The following COPG2 variants were observed in gnomAD, a reference collection of about 807,000 sequenced individuals.
COPG2 encodes coatomer subunit gamma-2.
COPG2 carries 37 observed loss-of-function variants against 46.3 expected under a neutral mutation model. The observed-to-expected ratio is 0.80, with a 90% CI of 0.61 to 1.05. The LOEUF (loss-of-function observed/expected upper bound fraction) is 1.05, where lower values mean the gene tolerates loss of function less well. COPG2 is among the 50% of genes least tolerant of loss of function. COPG2 has a pLI of 0.00. For synonymous variants in COPG2, 159 were observed against 129.7 expected (o/e 1.23, Z -1.53); for missense variants, 427 against 387.8 (o/e 1.10, Z -0.85).
intron 9 of COPG2, chr7:130,604,646 T>C (rs1794696102): frequency 2.1e-6 from 1 of 480,186 alleles, no homozygotes; most frequent in African/African-American, 2.0e-5. Flanking sequence ...TCCTTTCAAA[T>C]TTTTAGGTAT....
intron 5 of COPG2, among the ~76,000 whole-genome samples, chr7:130,638,576 C>T (rs986385010): frequency 6.6e-6 from 1 of 152,126 alleles, no homozygotes; most frequent in African/African-American, 2.4e-5. Context: ...ACCCCTCCCC[C>T]CACACCAAGC....
chr7:130,526,907 G>C (rs1303639869), intron 20 of COPG2, among the ~76,000 whole-genome samples: 1 of 124,264 alleles, frequency 8.0e-6, no homozygotes, highest in Non-Finnish European at 1.7e-5. Context: ...CAGTGGGATT[G>C]CAAGTGGGAA....
chr7:130,659,182 C>T (rs1327734063), intron 4 of COPG2, among the ~76,000 whole-genome samples: 1 of 151,116 alleles, frequency 6.6e-6, no homozygotes, highest in East Asian at 2.0e-4. Flanking sequence ...AGTGAAACCC[C>T]GTCTCTACTA....
intron 9 of COPG2, among the ~76,000 whole-genome samples, chr7:130,565,873 C>G (rs1793794602): frequency 6.6e-6 from 1 of 151,642 alleles, no homozygotes; most frequent in Admixed American, 6.6e-5. Flanking sequence ...ACTTGTAGAT[C>G]TACTGAGATA....
chr7:130,615,156 T>C (rs1195535895), intron 6 of COPG2, among the ~76,000 whole-genome samples: 6 of 152,178 alleles, frequency 3.9e-5, no homozygotes, highest in African/African-American at 1.4e-4. Context: ...ATTTTGTCAG[T>C]TCACACAAAG....
chr7:130,624,184 C>G (rs1159509349), intron 5 of COPG2, among the ~76,000 whole-genome samples: 2 of 152,086 alleles, frequency 1.3e-5, no homozygotes, highest in Non-Finnish European at 2.9e-5. Flanking sequence ...CTAATCACCC[C>G]CAAAGGCCTC....
At chr7:130,608,543 T>G (rs376477121) in intron 9 of COPG2, among the ~76,000 whole-genome samples, 1 of 152,192 alleles carries the variant, frequency 6.6e-6, no homozygotes, top group African/African-American at 2.4e-5. Flanking sequence ...GAAAATGTTT[T>G]AATTTCACCT....
chr7:130,654,358 A>G (rs1795806884), intron 4 of COPG2, among the ~76,000 whole-genome samples: 1 of 152,232 alleles, frequency 6.6e-6, no homozygotes, highest in Non-Finnish European at 1.5e-5. Context: ...CATGGAATAT[A>G]GTATCTAACA....
At chr7:130,630,960 T>C (rs557145248) in intron 5 of COPG2, among the ~76,000 whole-genome samples, 1 of 152,002 alleles carries the variant, frequency 6.6e-6, no homozygotes, top group Non-Finnish European at 1.5e-5. Flanking sequence ...AGCCCAGGGG[T>C]TTAAAGATGC....
intron 9 of COPG2, chr7:130,603,750 G>A: frequency 2.7e-6 from 1 of 373,262 alleles, no homozygotes; most frequent in Admixed American, 3.7e-5. Flanking sequence ...AAAAAAATTT[G>A]CGGCAATTAT....
intron 5 of COPG2, among the ~76,000 whole-genome samples, chr7:130,636,155 G>A (rs782103525): frequency 8.5e-5 from 13 of 152,152 alleles, no homozygotes; most frequent in Non-Finnish European, 1.6e-4. Flanking sequence ...TGTCCAATGT[G>A]GTGTGGAGAA....
chr7:130,564,135 T>C (rs1268592148), intron 10 of COPG2, 125 bp downstream of exon 10: 2 of 397,082 alleles, frequency 5.0e-6, no homozygotes, highest in Non-Finnish European at 8.9e-6. Context: ...GCTATCAGAA[T>C]GCAAAGGCTA....
intron 5 of COPG2, among the ~76,000 whole-genome samples, chr7:130,652,502 T>C (rs1795767413): frequency 6.6e-6 from 1 of 152,226 alleles, no homozygotes; most frequent in African/African-American, 2.4e-5. Flanking sequence ...TTATATTGGT[T>C]ATTTGATGAA....
chr7:130,599,786 A>G (rs1199857090), intron 9 of COPG2, among the ~76,000 whole-genome samples: 3 of 152,354 alleles, frequency 2.0e-5, no homozygotes, highest in Non-Finnish European at 1.5e-5. Flanking sequence ...CTGGGGGTAA[A>G]TAATCATGAT....
At chr7:130,531,209 G>GT (rs1325817652) in intron 20 of COPG2, among the ~76,000 whole-genome samples, 4 of 134,696 alleles carry the variant, frequency 3.0e-5, no homozygotes, top group African/African-American at 1.1e-4. Flanking sequence ...GGGGAGTGGG[G>GT]TATGTTGAGC....
intron 9 of COPG2, among the ~76,000 whole-genome samples, chr7:130,576,421 A>G (rs1563047382): frequency 6.6e-6 from 1 of 152,230 alleles, no homozygotes; most frequent in Non-Finnish European, 1.5e-5. Flanking sequence ...AGGAACCTTC[A>G]AAACCGTGCA....
intron 4 of COPG2, among the ~76,000 whole-genome samples, chr7:130,655,828 G>C (rs1554459830): frequency 6.6e-6 from 1 of 152,038 alleles, no homozygotes; most frequent in Non-Finnish European, 1.5e-5. Context: ...TGATTTTCTA[G>C]GTATTTATAG....
intron 14 of COPG2, among the ~76,000 whole-genome samples, chr7:130,554,142 T>C (rs1238937976): frequency 6.6e-6 from 1 of 152,150 alleles, no homozygotes; most frequent in Non-Finnish European, 1.5e-5. Context: ...TCTATTCATA[T>C]GCTAAGGGAA....
chr7:130,622,082 T>C (rs1795049545), intron 5 of COPG2, among the ~76,000 whole-genome samples: 1 of 151,728 alleles, frequency 6.6e-6, no homozygotes, highest in Non-Finnish European at 1.5e-5. Flanking sequence ...TGCATAAAGG[T>C]AGTTTATTTA....
Sources: gnomAD v4.1 joint callset for allele counts (sites outside exome capture counted in the v4.1 genomes callset) on GRCh38, gnomAD v4.1.1 for gene constraint, MANE v1.5 for transcripts, NCBI Gene and HGNC (gene_info 2026-07-23, HGNC 2026-07-21) for gene names.